ACER2: variants seen among roughly 807,000 people sequenced by gnomAD.
ACER2 encodes the protein alkCDase 2.
Under a neutral mutation model 34.7 loss-of-function variants are expected in ACER2, and 26 were observed. The observed-to-expected ratio is 0.75, with a 90% CI of 0.55 to 1.04. The LOEUF (loss-of-function observed/expected upper bound fraction) is 1.04, where lower values mean the gene tolerates loss of function less well. ACER2 is among the 50% of genes least tolerant of loss of function. ACER2 has a pLI of 0.00. For synonymous variants in ACER2, 138 were observed against 132.1 expected (o/e 1.04, Z -0.31); for missense variants, 352 against 340.8 (o/e 1.03, Z -0.26).
intron 3 of ACER2, among the ~76,000 whole-genome samples, chr9:19,426,429 TTCCCCTCC>T: frequency 7.1e-6 from 1 of 140,222 alleles, no homozygotes; most frequent in East Asian, 2.5e-4. Flanking sequence ...TCCCTTCCCC[TTCCCCTCC>T]TGTCTTGAAA....
Position 19,424,792 on chromosome 9 carries a change from G to C in ACER2, c.316G>C (p.Ala106Pro). ...AVLWVLMCAL[A>P]MWFPRRYLPK... Reference sequence around the variant, plus strand: ...CCTTTGGGTTCTGATGTGTGCTTTGGCCATGTGGTTCCCCAGAAGGTATCT... The same window carrying C: ...CCTTTGGGTTCTGATGTGTGCTTTGCCCATGTGGTTCCCCAGAAGGTATCT... The change falls in exon 3 of 6, where the codon GCC becomes CCC. Residue 106 changes from alanine (A) to proline (P), a missense_variant. Ala to Pro is a conservative substitution (Grantham distance 27). Coordinates refer to ENST00000340967, the MANE Select transcript of ACER2 (RefSeq NM_001010887.3). 1 of 1,614,108 alleles carries C rather than the reference G, an allele frequency of 6.2e-7. No homozygotes were observed. Among genetic ancestry groups the C allele is most frequent in the Non-Finnish European group, 8.5e-7 (1 of 1,180,028 alleles).
intron 3 of ACER2, among the ~76,000 whole-genome samples, chr9:19,432,539 C>G (rs1830787521): frequency 7.2e-6 from 1 of 138,322 alleles, no homozygotes; most frequent in Non-Finnish European, 1.6e-5. Flanking sequence ...ACCTGCAAAA[C>G]CTATATATAT....
intron 4 of ACER2, among the ~76,000 whole-genome samples, chr9:19,445,782 C>A (rs1027392215): frequency 2.0e-5 from 3 of 152,260 alleles, no homozygotes; most frequent in South Asian, 4.2e-4. Flanking sequence ...AATACTTTGG[C>A]TTTCCCTCTG....
intron 4 of ACER2, among the ~76,000 whole-genome samples, chr9:19,441,647 G>A (rs1425882078): frequency 6.6e-6 from 1 of 151,898 alleles, no homozygotes; most frequent in Non-Finnish European, 1.5e-5. Context: ...CTCCTTTATG[G>A]CACCCATCCT....
chr9:19,436,296 T>A (rs1229415866), intron 4 of ACER2, among the ~76,000 whole-genome samples: 1 of 152,190 alleles, frequency 6.6e-6, no homozygotes, highest in Non-Finnish European at 1.5e-5. Flanking sequence ...GAGTCACTAA[T>A]GACGTTTTTT....
chr9:19,415,022 A>C (rs1830200684), intron 1 of ACER2, among the ~76,000 whole-genome samples: 1 of 152,242 alleles, frequency 6.6e-6, no homozygotes, highest in East Asian at 1.9e-4. Flanking sequence ...TCTTGGGGAA[A>C]GTCTCCCACT....
chr9:19,446,219 G>A, intron 4 of ACER2, 62 bp from the exon 5 acceptor site: 1 of 1,613,326 alleles, frequency 6.2e-7, no homozygotes, highest in Non-Finnish European at 8.5e-7. Flanking sequence ...CACAGGAAAG[G>A]TGGCCAGCAA....
chr9:19,433,787 AC>A (rs1257922828), intron 3 of ACER2, among the ~76,000 whole-genome samples: 4 of 146,990 alleles, frequency 2.7e-5, no homozygotes, highest in African/African-American at 7.6e-5. Flanking sequence ...CGGGGGGCTG[AC>A]CCCCCCACCT....
intron 4 of ACER2, among the ~76,000 whole-genome samples, chr9:19,440,084 A>C (rs1831102916): frequency 6.6e-6 from 1 of 151,880 alleles, no homozygotes; most frequent in Non-Finnish European, 1.5e-5. Context: ...TCTATAGGCT[A>C]TACACCCAGT....
chr9:19,416,089 A>G (rs575083071), intron 1 of ACER2, among the ~76,000 whole-genome samples: 3 of 149,946 alleles, frequency 2.0e-5, no homozygotes, highest in East Asian at 1.9e-4. Flanking sequence ...GAACACATTC[A>G]TGTATATGAA....
chr9:19,421,051 A>G (rs948693551), intron 1 of ACER2, among the ~76,000 whole-genome samples: 16 of 152,210 alleles, frequency 1.1e-4, no homozygotes, highest in South Asian at 2.1e-4. Flanking sequence ...GGTATGGCCT[A>G]TTGCTCATAG....
At chr9:19,450,248 G>T in intron 5 of ACER2, 1 of 985,348 alleles carries the variant, frequency 1.0e-6, no homozygotes, top group Non-Finnish European at 1.2e-6. Flanking sequence ...TTCTAAAACG[G>T]GTCCCAAATT....
intron 3 of ACER2, among the ~76,000 whole-genome samples, chr9:19,430,371 C>T (rs1449747333): frequency 6.6e-6 from 1 of 152,108 alleles, no homozygotes; most frequent in African/African-American, 2.4e-5. Flanking sequence ...CAGTGTGAGA[C>T]CCTAATGGGC....
chr9:19,427,200 A>C (rs1392074625), intron 3 of ACER2, among the ~76,000 whole-genome samples: 1 of 152,222 alleles, frequency 6.6e-6, no homozygotes, highest in East Asian at 1.9e-4. Context: ...GCATAATACT[A>C]AGCAACATGG....
At chr9:19,449,890 TAAAAAA>T (rs543959118) in intron 5 of ACER2, among the ~76,000 whole-genome samples, 1 of 131,362 alleles carries the variant, frequency 7.6e-6, no homozygotes, top group Non-Finnish European at 1.6e-5. Flanking sequence ...AGACTTCATT[TAAAAAA>T]AAAAAAAAAA....
At chr9:19,438,369 G>T (rs1831038978) in intron 4 of ACER2, among the ~76,000 whole-genome samples, 1 of 152,084 alleles carries the variant, frequency 6.6e-6, no homozygotes, top group African/African-American at 2.4e-5. Context: ...TATTGTATCT[G>T]TTTTTTAGGG....
At chr9:19,430,769 C>A (rs981312811) in intron 3 of ACER2, among the ~76,000 whole-genome samples, 4 of 152,004 alleles carry the variant, frequency 2.6e-5, no homozygotes, top group African/African-American at 9.7e-5. Flanking sequence ...ACTAGCCTGG[C>A]CAGCATGGTG....
At chr9:19,421,593 G>A (rs1478486446) in intron 1 of ACER2, among the ~76,000 whole-genome samples, 1 of 152,124 alleles carries the variant, frequency 6.6e-6, no homozygotes, top group Non-Finnish European at 1.5e-5. Flanking sequence ...AGGGGCTGAG[G>A]GAGGGAGAAA....
chr9:19,426,176 C>A (rs1231430761), intron 3 of ACER2, among the ~76,000 whole-genome samples: 1 of 150,882 alleles, frequency 6.6e-6, no homozygotes, highest in Non-Finnish European at 1.5e-5. Context: ...GCATTGCCAG[C>A]AGAGAGGAAC....
Sources: allele counts gnomAD v4.1 joint callset (sites outside exome capture counted in the v4.1 genomes callset), GRCh38; gene constraint gnomAD v4.1.1; transcripts MANE v1.5; gene names NCBI Gene and HGNC (gene_info 2026-07-23, HGNC 2026-07-21).